Variants in RPTOR observed in about 807,000 individuals in gnomAD.
The protein encoded by RPTOR is regulatory associated protein of MTOR complex 1, also known as regulatory-associated protein of mTOR.
A neutral mutation model predicts 169.9 loss-of-function variants in RPTOR; 21 were observed. The ratio of observed to expected loss-of-function variants is 0.12; its 90% CI spans 0.09 to 0.18. RPTOR has a LOEUF of 0.18. Among genes scored for constraint, RPTOR ranks in the 10% least tolerant of loss-of-function variants. The probability of loss-of-function intolerance (pLI) is 1.00; values close to 1 mark genes in which losing one functional copy is unlikely to be tolerated. For synonymous variants in RPTOR, 732 were observed against 753.2 expected, an observed-to-expected ratio of 0.97 and a Z score of 0.46; for missense variants, 1,133 against 1,855.9, an observed-to-expected ratio of 0.61 and a Z score of 7.16.
At chr17:80,826,848 T>C (rs2067449485) in intron 9 of RPTOR, among the ~76,000 whole-genome samples, 2 of 152,398 alleles carry the variant, frequency 1.3e-5, no homozygotes, top group Admixed American at 6.5e-5. Context: ...CTGTTGCCGA[T>C]GGCCTGGGTG....
intron 3 of RPTOR, among the ~76,000 whole-genome samples, chr17:80,672,355 G>C (rs539944623): frequency 7.1e-6 from 1 of 141,766 alleles, no homozygotes; most frequent in Admixed American, 7.1e-5. Flanking sequence ...TTACTTTGCT[G>C]TGCAAAGGTT....
At chr17:80,611,771 A>ATTT (rs2065273173) in intron 1 of RPTOR, among the ~76,000 whole-genome samples, 1 of 145,760 alleles carries the variant, frequency 6.9e-6, no homozygotes, top group Non-Finnish European at 1.5e-5. Flanking sequence ...TTTTTTTTTA[A>ATTT]AAAAAACAAA....
At chr17:80,781,014 T>A (rs2066936945) in intron 6 of RPTOR, among the ~76,000 whole-genome samples, 1 of 152,184 alleles carries the variant, frequency 6.6e-6, no homozygotes, top group African/African-American at 2.4e-5. Context: ...AGGGTTCTTA[T>A]GCCCAGCCAC....
At chr17:80,843,406 G>A (rs1042363077) in intron 10 of RPTOR, among the ~76,000 whole-genome samples, 4 of 142,618 alleles carry the variant, frequency 2.8e-5, no homozygotes, top group Admixed American at 1.4e-4. Flanking sequence ...GGGCAACAGA[G>A]TGAGACTCTG....
intron 21 of RPTOR, among the ~76,000 whole-genome samples, chr17:80,921,926 G>A (rs1026968322): frequency 2.0e-5 from 3 of 152,194 alleles, no homozygotes; most frequent in South Asian, 4.1e-4. Context: ...ACCTGCGTGC[G>A]CCCGTGGGAA....
chr17:80,638,785 C>T (rs2065529303), intron 2 of RPTOR, among the ~76,000 whole-genome samples: 2 of 152,208 alleles, frequency 1.3e-5, no homozygotes, highest in Admixed American at 1.3e-4. Context: ...TTCATCCCCT[C>T]ATATCTGCTG....
At chr17:80,560,431 C>T (rs2084466591) in intron 1 of RPTOR, among the ~76,000 whole-genome samples, 1 of 152,170 alleles carries the variant, frequency 6.6e-6, no homozygotes, top group African/African-American at 2.4e-5. Context: ...GTAATTCCTG[C>T]GTTGAAGGTG....
intron 4 of RPTOR, chr17:80,709,254 C>T (rs2066166016): frequency 3.5e-6 from 1 of 281,978 alleles, no homozygotes. Flanking sequence ...GTAGGATTTA[C>T]AGAAGCAGGA....
chr17:80,589,526 A>G (rs1255404151), intron 1 of RPTOR, among the ~76,000 whole-genome samples: 2 of 152,226 alleles, frequency 1.3e-5, no homozygotes, highest in Non-Finnish European at 2.9e-5. Context: ...ATTTAATCAT[A>G]TCTGTAGGTC....
chr17:80,595,379 T>A (rs1377462812), intron 1 of RPTOR, among the ~76,000 whole-genome samples: 1 of 152,240 alleles, frequency 6.6e-6, no homozygotes, highest in African/African-American at 2.4e-5. Context: ...CTTTCCATTG[T>A]GAGGACGTGC....
chr17:80,962,813 G>A (rs2069362256), intron 32 of RPTOR, 115 bp from the exon 33 acceptor site: 9 of 1,528,598 alleles, frequency 5.9e-6, no homozygotes, highest in East Asian at 4.7e-5. Flanking sequence ...CACCTGCCCC[G>A]AGCCAGCCTG....
At chr17:80,837,853 C>T (rs1333691280) in intron 9 of RPTOR, 69 bp from the exon 10 acceptor site, 2 of 1,435,336 alleles carry the variant, frequency 1.4e-6, no homozygotes, top group East Asian at 2.4e-5. Flanking sequence ...TCCTCCTGTG[C>T]CCTGTGAAGT....
rs2066571420 is a variant in RPTOR, at chr17:80,746,167, A to C, written c.655-7843A>C. Among the ~76,000 whole-genome samples the C allele has an allele frequency of 6.6e-6, 1 of 151,200 alleles. No homozygotes were observed. The highest frequency in any genetic ancestry group is 2.4e-5 in the African/African-American group (1 of 41,188). The stretch of plus-strand genomic sequence containing the variant: ...ACAAGAGCAAACCTCCATCTCAAAA[A>C]AAAAAAAAAAAGTGCAGTGCAGGTG... On this transcript the variant is annotated intron_variant, in intron 5 of 33. Transcript: ENST00000306801. This position sits in a 1 kb window ranked among gnomAD's most constrained non-coding sequence, Gnocchi z 4.5.
chr17:80,809,050 T>G (rs747787500), intron 7 of RPTOR, among the ~76,000 whole-genome samples: 5 of 152,268 alleles, frequency 3.3e-5, no homozygotes, highest in Admixed American at 6.5e-5. Flanking sequence ...CTTGGTCATA[T>G]GGTAGGTGTG....
At chr17:80,950,013 A>T (rs1481271077) in intron 28 of RPTOR, among the ~76,000 whole-genome samples, 1 of 152,230 alleles carries the variant, frequency 6.6e-6, no homozygotes, top group Non-Finnish European at 1.5e-5. Context: ...GAGTGGCTGC[A>T]GTGCCGGCTC....
rs778293342 is a variant in RPTOR, at chr17:80,892,716, C to T, written c.2102-13C>T. On this transcript the variant is annotated splice_polypyrimidine_tract_variant and intron_variant, in intron 18 of 33. Coordinates refer to ENST00000306801, the MANE Select transcript of RPTOR (RefSeq NM_020761.3). The stretch of plus-strand genomic sequence containing the variant: ...GAAGCCCATTGTAATTTGTCTTTCT[C>T]CTTCTTTCCCAGAGGGAGGGAGTTT... The T allele has an allele frequency of 1.2e-6, 2 of 1,611,930 alleles. No homozygotes were observed. Among genetic ancestry groups the T allele is most frequent in the East Asian group, 2.2e-5 (1 of 44,846 alleles).
Position 80,961,445 on chromosome 17 carries a change from G to T in RPTOR, c.3657G>T (p.Leu1219=), listed in dbSNP as rs1247212707. 1.3e-6 allele frequency: 2 copies of T among 1,551,642 alleles called. No homozygotes were observed. The highest frequency in any genetic ancestry group is 1.2e-5 in the South Asian group (1 of 84,180). The change falls in exon 31 of 34, where the codon CTG becomes CTT. Residue 1219 remains leucine (L), a synonymous_variant. Transcript: ENST00000306801. ...EHTAWVVKAS[L]QKRPDGHIVS... ...CAGCCTGGGTGGTGAAGGCCTCCCT[G>T]CAGAAGCGTCCCGACGGCCACATCG...
intron 2 of RPTOR, among the ~76,000 whole-genome samples, chr17:80,628,952 T>C (rs2065417284): frequency 6.6e-6 from 1 of 152,206 alleles, no homozygotes; most frequent in Non-Finnish European, 1.5e-5. Flanking sequence ...CTCTTCCATG[T>C]GTCTCTCTCT....
intron 3 of RPTOR, among the ~76,000 whole-genome samples, chr17:80,672,678 T>G (rs1260153140): frequency 1.3e-5 from 2 of 151,856 alleles, no homozygotes; most frequent in African/African-American, 2.4e-5. Context: ...TAGTCCCAGC[T>G]ACTTTGGAGG....
Sources: allele counts gnomAD v4.1 joint callset (sites outside exome capture counted in the v4.1 genomes callset), GRCh38; gene constraint gnomAD v4.1.1; non-coding constraint Gnocchi (gnomAD v3.1); transcripts MANE v1.5; gene names NCBI Gene and HGNC (gene_info 2026-07-23, HGNC 2026-07-21).